The following CROCC variants were observed in gnomAD, a reference collection of about 807,000 sequenced individuals.
CROCC encodes the protein ciliary rootlet coiled-coil, rootletin.
In CROCC, 180 loss-of-function variants were observed where a neutral mutation model predicts 245.2. The observed-to-expected ratio is 0.73, with a 90% CI of 0.65 to 0.83. The LOEUF is 0.83. CROCC is among the 40% of genes least tolerant of loss of function. CROCC has a pLI of 0.00. For synonymous variants in CROCC, 1,205 were observed against 1,241.6 expected (o/e 0.97, Z 0.62); for missense variants, 2,688 against 2,779.4 (o/e 0.97, Z 0.74).
In CROCC at chr1:16,944,143, C is replaced by G. The variant is rs1449808970; in HGVS notation, c.1852C>G (p.Gln618Glu). The change falls in exon 14 of 37, where the codon CAG (glutamine) becomes GAG (glutamate). Residue 618 changes from glutamine (Q) to glutamate (E), a missense_variant. By Grantham distance (29) the Gln-to-Glu change is conservative (BLOSUM62 2). Around this residue, in one of 9 missense-constraint regions of CROCC, gnomAD observed 972 missense variants for 895.3 expected, o/e 1.09. Coordinates refer to ENST00000375541, the MANE Select transcript of CROCC (RefSeq NM_014675.5). Reference protein sequence around the residue: ...LAHSLQVAQQQAEELRQEREK... With the variant: ...LAHSLQVAQQEAEELRQEREK... ...CCACAGCCTGCAGGTGGCCCAGCAG[C>G]AGGCCGAGGAGCTGCGGCAGGAGCG... 3 of 1,560,354 alleles carry G rather than the reference C, an allele frequency of 1.9e-6. No homozygotes were observed. Among genetic ancestry groups the G allele is most frequent in the Admixed American group, 1.9e-5 (1 of 51,722 alleles).
intron 25 of CROCC, among the ~76,000 whole-genome samples, chr1:16,956,713 G>A (rs889724818): frequency 2.7e-5 from 4 of 150,862 alleles, no homozygotes; most frequent in South Asian, 2.1e-4. Context: ...ATCCATTTTC[G>A]ATGATTTAAA....
In CROCC at chr1:16,946,954, G is replaced by C; in HGVS notation, c.2477G>C (p.Arg826Pro). The C allele has an allele frequency of 6.4e-7, 1 of 1,556,732 alleles. No homozygotes were observed. The highest frequency in any genetic ancestry group is 8.7e-7 in the Non-Finnish European group (1 of 1,150,978). Residue 826 changes from arginine (R) to proline (P), a missense_variant, in exon 17 of 37, where the codon CGC becomes CCC. By Grantham distance (103) the Arg-to-Pro change is moderately radical (BLOSUM62 -2). This residue lies in a region of CROCC where 295 missense variants were observed against 241.7 expected (regional missense o/e 1.22). Transcript: ENST00000375541. ...EALEQQLPTL[R>P]HERSQLQEQL... ...TTGGAGCAGCAGCTCCCCACGCTGC[G>C]CCATGAGCGCAGCCAGCTGCAGGAG...
chr1:16,922,992 G>T (rs11587728), intron 2 of CROCC, among the ~76,000 whole-genome samples, 194 bp downstream of exon 2: 10,846 of 149,196 alleles, frequency 0.073, 1 homozygote, highest in African/African-American at 0.17. Flanking sequence ...GACTTATTCC[G>T]CATGTGGTGC....
At chr1:16,933,458 C>T (rs1269358378) in intron 8 of CROCC, among the ~76,000 whole-genome samples, 2 of 152,234 alleles carry the variant, frequency 1.3e-5, no homozygotes, top group African/African-American at 2.4e-5. Flanking sequence ...CAGAGTGAAA[C>T]TCTGTCTCGA....
chr1:16,956,270 TG>T, intron 25 of CROCC, 114 bp downstream of exon 25: 3 of 1,120,588 alleles, frequency 2.7e-6, no homozygotes, highest in Non-Finnish European at 2.5e-6. Context: ...GCTTGAACTA[TG>T]ACAAGCCCTC....
At chr1:16,963,313 G>A (rs1450890002) in intron 27 of CROCC, among the ~76,000 whole-genome samples, 1 of 152,022 alleles carries the variant, frequency 6.6e-6, no homozygotes, top group Non-Finnish European at 1.5e-5. Context: ...CTGGGAGGGG[G>A]ACTCGGGGCG....
intron 2 of CROCC, among the ~76,000 whole-genome samples, chr1:16,923,285 C>T (rs2075450823): frequency 1.3e-5 from 2 of 152,292 alleles, no homozygotes; most frequent in African/African-American, 2.4e-5. Context: ...GAAAGGCACA[C>T]TCAGTTGCAG....
chr1:16,958,484 C>G, intron 25 of CROCC, 99 bp from the exon 26 acceptor site: 2 of 1,394,940 alleles, frequency 1.4e-6, no homozygotes, highest in Non-Finnish European at 2.0e-6. Flanking sequence ...GTATTTGATA[C>G]ATGTGTCCCT....
chr1:16,925,297 G>A (rs1338937285), intron 3 of CROCC, among the ~76,000 whole-genome samples: 2 of 152,270 alleles, frequency 1.3e-5, no homozygotes, highest in African/African-American at 2.4e-5. Flanking sequence ...TGCCAGGCGC[G>A]TGCTGAGTGT....
At chr1:16,935,673 C>G (rs1221375465) in intron 8 of CROCC, among the ~76,000 whole-genome samples, 1 of 152,278 alleles carries the variant, frequency 6.6e-6, no homozygotes, top group African/African-American at 2.4e-5. Flanking sequence ...ATCCGCCCTC[C>G]TCGGCCTCCC....
At chr1:16,923,741 C>T (rs1180550447) in intron 2 of CROCC, among the ~76,000 whole-genome samples, 2 of 140,768 alleles carry the variant, frequency 1.4e-5, no homozygotes, top group Non-Finnish European at 3.0e-5. Context: ...AGTGCAGTGG[C>T]GCAATCTCAG....
Position 16,968,098 on chromosome 1 carries a change from C to A in CROCC, c.4861-105C>A, listed in dbSNP as rs934030677. On this transcript the variant is annotated intron_variant, in intron 30 of 36. Transcript: ENST00000375541. ...GGCCGGCCCCAGGTCACGTAGGTCA[C>A]CCTTCGAGGCTGCTCCCCACTTTCC... The A allele has an allele frequency of 2.5e-6, 3 of 1,181,324 alleles. No individual in the cohort carries two copies. The Admixed American group carries it at 6.2e-5, about 24-fold the overall frequency. 73.2% of individuals were successfully genotyped at this position (1,181,324 alleles called of 1,614,324 possible). A position where few individuals can be genotyped will look rare whatever the true frequency, so the allele number is the denominator to read the frequency against.
At position 16,972,501 on chromosome 1, in the gene CROCC, C is replaced by G. The variant is rs1384613189; in HGVS notation, c.*55C>G. Reference sequence around the variant, plus strand: ...GTGCCTGGGACAGGGGAGGACCCTTCTTTTGGACAGCCCCCCCACCCAGAG... The same window carrying G: ...GTGCCTGGGACAGGGGAGGACCCTTGTTTTGGACAGCCCCCCCACCCAGAG... On this transcript the variant is annotated 3_prime_UTR_variant, in exon 37 of 37. Coordinates refer to ENST00000375541, the MANE Select transcript of CROCC (RefSeq NM_014675.5). 1.7e-6 allele frequency: 2 copies of G among 1,204,768 alleles called. No individual in the cohort carries two copies. Among genetic ancestry groups the G allele is most frequent in the South Asian group, 1.5e-5 (1 of 68,726 alleles). 74.6% of individuals were successfully genotyped at this position (1,204,768 alleles called of 1,614,324 possible).
intron 32 of CROCC, 108 bp downstream of exon 32, chr1:16,969,448 T>C: frequency 3.6e-6 from 4 of 1,120,944 alleles, no homozygotes; most frequent in Non-Finnish European, 5.2e-6. Flanking sequence ...GGCAGTCAGT[T>C]GGAGCCAATG....
chr1:16,916,469 G>T (rs1344260840), intron 1 of CROCC, among the ~76,000 whole-genome samples: 1 of 152,272 alleles, frequency 6.6e-6, no homozygotes, highest in Non-Finnish European at 1.5e-5. Context: ...GTGGTGCCAG[G>T]TACACAGCAG....
At position 16,946,887 on chromosome 1, in the gene CROCC, C is replaced by T. The variant is rs2076060469; in HGVS notation, c.2410C>T (p.Leu804=). 1.3e-6 allele frequency: 2 copies of T among 1,563,610 alleles called. No homozygotes were observed. Reference sequence around the variant, plus strand: ...GGAGCAGGAGGTGGCGCGGCAGGGCCTGGAGGGCTCCCTACGAGTGGCGGA... The same window carrying T: ...GGAGCAGGAGGTGGCGCGGCAGGGCTTGGAGGGCTCCCTACGAGTGGCGGA... ...RLEQEVARQG[L]EGSLRVAEQA... The change falls in exon 17 of 37, where the codon CTG becomes TTG. Residue 804 remains leucine (L), a synonymous_variant. Transcript: ENST00000375541.
chr1:16,969,838 C>A lies in CROCC; in HGVS notation c.5355C>A (p.Ser1785Arg), dbSNP rs370341732. The change falls in exon 33 of 37, where the codon AGC (serine) becomes AGA (arginine). Residue 1785 changes from serine to arginine, a missense_variant. Transcript: ENST00000375541. ...TATCTGAGGCACGGAAGCAGAGCAG[C>A]TCCCTGGGCGAGCAGGTGCAGACGT... ...QALSEARKQS[S>R]SLGEQVQTLR... 1 of 1,613,260 alleles carries A rather than the reference C, an allele frequency of 6.2e-7. No individual in the cohort carries two copies.
chr1:16,927,322 A>G (rs1365768278), intron 3 of CROCC, among the ~76,000 whole-genome samples: 4 of 152,218 alleles, frequency 2.6e-5, no homozygotes, highest in Admixed American at 2.6e-4. Flanking sequence ...CTCCCACCTC[A>G]TGGGTGCACA....
In CROCC at chr1:16,936,743, G is replaced by C. The variant is rs202121748; in HGVS notation, c.1063G>C (p.Ala355Pro). ...ACGGCTGGCAGAGAGCCGGGCCGAG[G>C]CAGCCCTGGAGAAACAGGCCCTGCT... is the stretch of plus-strand genomic sequence containing the variant. ...GLRLAESRAEAALEKQALLQA... is the reference protein window; with the variant it reads ...GLRLAESRAEPALEKQALLQA... The change falls in exon 9 of 37, where the codon GCA becomes CCA. Residue 355 changes from alanine to proline, a missense_variant. By Grantham distance (27) the Ala-to-Pro change is conservative. This residue lies in a region of CROCC where 972 missense variants were observed against 895.3 expected (regional missense o/e 1.09). Transcript: ENST00000375541. 1 of 1,609,344 alleles carries C rather than the reference G, an allele frequency of 6.2e-7. No individual in the cohort carries two copies. The highest frequency in any genetic ancestry group is 8.5e-7 in the Non-Finnish European group (1 of 1,178,748).
Sources: allele counts gnomAD v4.1 joint callset (sites outside exome capture counted in the v4.1 genomes callset), GRCh38; gene constraint gnomAD v4.1.1; regional missense constraint gnomAD v4.1.1; transcripts MANE v1.5; gene names NCBI Gene and HGNC (gene_info 2026-07-23, HGNC 2026-07-21).